The following RFX7 variants were observed in gnomAD, a reference collection of about 807,000 sequenced individuals.
RFX7 encodes the protein DNA-binding protein RFX7.
In RFX7, 26 loss-of-function variants were observed where a neutral mutation model predicts 111.8. The ratio of observed to expected loss-of-function variants is 0.23; its 90% confidence interval spans 0.17 to 0.32. The LOEUF (loss-of-function observed/expected upper bound fraction) is 0.32. Among genes scored for constraint, RFX7 ranks in the 10% least tolerant of loss-of-function variants. The probability of loss-of-function intolerance (pLI) is 1.00; values close to 1 mark genes in which losing one functional copy is unlikely to be tolerated. For missense variants in RFX7, 1,573 were observed against 1,772.9 expected (o/e 0.89, Z 2.02); for synonymous variants, 624 against 624.4 (o/e 1.00, Z 0.01).
chr15:56,121,620 C>A (rs544927282), intron 5 of RFX7, among the ~76,000 whole-genome samples: 1 of 152,124 alleles, frequency 6.6e-6, no homozygotes, highest in African/African-American at 2.4e-5. Context: ...CTTTCTATTC[C>A]TATCTCTCTG....
At chr15:56,115,425 C>T (rs924028222) in intron 5 of RFX7, among the ~76,000 whole-genome samples, 4 of 152,128 alleles carry the variant, frequency 2.6e-5, no homozygotes, top group African/African-American at 9.7e-5. Flanking sequence ...TTATAGTTGA[C>T]ACGTGTGTGG....
intron 2 of RFX7, among the ~76,000 whole-genome samples, chr15:56,217,745 C>T (rs1404071384): frequency 6.6e-6 from 1 of 152,148 alleles, no homozygotes; most frequent in Non-Finnish European, 1.5e-5. Context: ...TAATTGTACA[C>T]AGTTTTAATG....
chr15:56,094,580 G>A lies in RFX7; in HGVS notation c.3148C>T (p.Gln1050Ter). Residue 1050 changes from glutamine (Q) to a stop codon, truncating the protein, a stop_gained, in exon 10 of 10, where the codon CAA (glutamine) becomes TAA (stop). Transcript: ENST00000559447. LOFTEE classifies it high-confidence loss of function. Reference sequence around the variant, plus strand: ...TCAGGGTGTGTGGCCATGGGTCTTTGCATCGGTTTCACAGGACTACTTGAG... The same window carrying A: ...TCAGGGTGTGTGGCCATGGGTCTTTACATCGGTTTCACAGGACTACTTGAG... ...IVSSSPVKPM[Q>*]RPMATHPDKT... 1 of 1,613,936 alleles carries A rather than the reference G, an allele frequency of 6.2e-7. No homozygotes were observed. The highest frequency in any genetic ancestry group is 8.5e-7 in the Non-Finnish European group (1 of 1,179,870).
chr15:56,191,252 C>A (rs2141162847), intron 2 of RFX7, among the ~76,000 whole-genome samples: 1 of 151,924 alleles, frequency 6.6e-6, no homozygotes, highest in Non-Finnish European at 1.5e-5. Context: ...ATTATAAGTT[C>A]CTAAAGCTTT....
chr15:56,107,607 T>C (rs187552803), intron 5 of RFX7, among the ~76,000 whole-genome samples: 27 of 152,344 alleles, frequency 1.8e-4, no homozygotes, highest in Non-Finnish European at 3.8e-4. Context: ...GCTTTCTTTG[T>C]GTTAAATCAT....
At position 56,087,514 on chromosome 15, in the gene RFX7, AAAG is replaced by A. The variant is rs1320002932; in HGVS notation, c.*5828_*5830del. On this transcript the variant is annotated 3_prime_UTR_variant, in exon 10 of 10. Transcript: ENST00000559447. ...CAGAGAGGAAGGACAAGAACACTGC[AAAG>A]AAGTAGCACCCAAACCTTTTGGTTA... 7 of 456,740 alleles carry A rather than the reference AAAG, an allele frequency of 1.5e-5. No individual in the cohort carries two copies. In the East Asian group the frequency reaches 2.1e-4, roughly 14 times the overall value. The allele number at this position is 456,740 out of a possible 1,614,324, so 28.3% of individuals were successfully genotyped here.
intron 2 of RFX7, among the ~76,000 whole-genome samples, chr15:56,223,616 T>C (rs562935450): frequency 5.3e-5 from 8 of 152,264 alleles, no homozygotes; most frequent in African/African-American, 1.9e-4. Flanking sequence ...TTATATACTT[T>C]TAAAGTTTAA....
At chr15:56,109,396 C>T (rs1175910531) in intron 5 of RFX7, among the ~76,000 whole-genome samples, 1 of 152,140 alleles carries the variant, frequency 6.6e-6, no homozygotes, top group Non-Finnish European at 1.5e-5. Flanking sequence ...CGGCTCGCTA[C>T]AACATCCACC....
chr15:56,117,526 A>C (rs1400811793), intron 5 of RFX7, among the ~76,000 whole-genome samples: 1 of 152,152 alleles, frequency 6.6e-6, no homozygotes, highest in Non-Finnish European at 1.5e-5. Context: ...GCACTACTTG[A>C]AAGTATACAC....
intron 2 of RFX7, among the ~76,000 whole-genome samples, chr15:56,206,242 T>C (rs1323340782): frequency 1.3e-5 from 2 of 152,128 alleles, no homozygotes; most frequent in Non-Finnish European, 2.9e-5. Context: ...CAATAGAATA[T>C]TATTCATCAG....
At chr15:56,105,130 A>G (rs1199081480) in intron 5 of RFX7, among the ~76,000 whole-genome samples, 1 of 152,118 alleles carries the variant, frequency 6.6e-6, no homozygotes, top group Non-Finnish European at 1.5e-5. Context: ...CAGGGACTTG[A>G]CCCATGTTGA....
At chr15:56,156,474 T>C (rs1187589038) in intron 3 of RFX7, among the ~76,000 whole-genome samples, 1 of 152,080 alleles carries the variant, frequency 6.6e-6, no homozygotes, top group East Asian at 1.9e-4. Flanking sequence ...TTCATGTCTC[T>C]ACTGATAGAC....
intron 3 of RFX7, among the ~76,000 whole-genome samples, chr15:56,155,445 T>A (rs1424412852): frequency 2.6e-5 from 4 of 151,994 alleles, no homozygotes; most frequent in African/African-American, 9.7e-5. Flanking sequence ...TAAAAAAGGA[T>A]GAGTTCATGT....
intron 2 of RFX7, among the ~76,000 whole-genome samples, chr15:56,205,850 C>A (rs1393748762): frequency 2.0e-5 from 3 of 152,138 alleles, no homozygotes; most frequent in Non-Finnish European, 4.4e-5. Flanking sequence ...AGCAATCAGA[C>A]ACTCACAGGT....
chr15:56,197,516 GTTTTT>G (rs553035980), intron 2 of RFX7, among the ~76,000 whole-genome samples: 3 of 151,128 alleles, frequency 2.0e-5, no homozygotes, highest in South Asian at 2.1e-4. Flanking sequence ...TGATGTGATA[GTTTTT>G]TTTTCATATA....
chr15:56,096,162 A>G lies in RFX7; in HGVS notation c.1566T>C (p.Pro522=). The change falls in exon 10 of 10, where the codon CCT becomes CCC. Residue 522 remains proline, a synonymous_variant. Transcript: ENST00000559447. ...KNGSVVSLQS[P]GSRSSSAGGT... ...CCCCCGCACTGCTGCTCCTGGACCC[A>G]GGAGACTGAAGCGACACGACAGAAC... 6.2e-7 allele frequency: 1 copy of G among 1,613,930 alleles called. No individual in the cohort carries two copies. The highest frequency in any genetic ancestry group is 8.5e-7 in the Non-Finnish European group (1 of 1,179,882).
rs1306041886 is a variant in RFX7 at position 56,243,823 on chromosome 15, CGCCGCCGCG to C, written c.-390_-382del. ...CGCCGCCGCTCGCTCCCGGCCCCGC[CGCCGCCGCG>C]GCCGCCGCTGCCCTGCCAGCCCCGG... On this transcript the variant is annotated 5_prime_UTR_variant, in exon 1 of 10. Transcript: ENST00000559447. 6.8e-6 allele frequency among the ~76,000 whole-genome samples: 1 copy of C among 147,362 alleles called. No individual in the cohort carries two copies. The highest frequency in any genetic ancestry group is 1.5e-5 in the Non-Finnish European group (1 of 66,172).
At position 56,087,821 on chromosome 15, in the gene RFX7, G is replaced by T; in HGVS notation, c.*5524C>A. On this transcript the variant is annotated 3_prime_UTR_variant, in exon 10 of 10. Transcript: ENST00000559447. Reference sequence around the variant, plus strand: ...TTGTACAGAGACTGACATATTTTAGGCACTTTATCATCTGTTAAAAAAAAA... The same window carrying T: ...TTGTACAGAGACTGACATATTTTAGTCACTTTATCATCTGTTAAAAAAAAA... 3 of 293,854 alleles carry T rather than the reference G, an allele frequency of 1.0e-5. No homozygotes were observed. Among genetic ancestry groups the T allele is most frequent in the South Asian group, 3.1e-5 (1 of 32,138 alleles). The allele number at this position is 293,854 out of a possible 1,614,324, so 18.2% of individuals were successfully genotyped here.
At chr15:56,134,847 G>A (rs553538370) in intron 5 of RFX7, among the ~76,000 whole-genome samples, 176 of 152,042 alleles carry the variant, frequency 1.2e-3, no homozygotes, top group Non-Finnish European at 1.8e-3. Flanking sequence ...CCCCACCTAT[G>A]AGTGAGAATA....
Sources: gnomAD v4.1 joint callset for allele counts (sites outside exome capture counted in the v4.1 genomes callset) on GRCh38, gnomAD v4.1.1 for gene constraint, MANE v1.5 for transcripts, NCBI Gene and HGNC (gene_info 2026-07-23, HGNC 2026-07-21) for gene names.